SHQ1: variants seen among roughly 807,000 people sequenced by gnomAD.
The protein encoded by SHQ1 is SHQ1, H/ACA ribonucleoprotein assembly factor.
A neutral mutation model predicts 53.8 loss-of-function variants in SHQ1; 49 were observed. The ratio of observed to expected loss-of-function variants is 0.91; its 90% CI spans 0.72 to 1.16. The LOEUF (loss-of-function observed/expected upper bound fraction) is 1.16. SHQ1 is among the 50% of genes most tolerant of loss of function. The pLI is 0.00. For missense variants in SHQ1, 738 were observed against 683.1 expected (o/e 1.08, Z -0.90); for synonymous variants, 243 against 251.0 (o/e 0.97, Z 0.30).
At chr3:72,824,665 A>T in intron 5 of SHQ1, 114 bp from the exon 6 acceptor site, 2 of 1,226,820 alleles carry the variant, frequency 1.6e-6, no homozygotes, top group Non-Finnish European at 1.1e-6. Context: ...TTCAAAGTAC[A>T]TTTCAAGGAA....
downstream of SHQ1, among the ~76,000 whole-genome samples, chr3:72,748,955 A>G (rs1201085102): frequency 7.1e-6 from 1 of 141,786 alleles, no homozygotes; most frequent in East Asian, 2.0e-4. Context: ...ACCCTGTCTC[A>G]AACACACACG....
the SHQ1 span, among the ~76,000 whole-genome samples, chr3:72,741,622 C>A: frequency 1.3e-5 from 2 of 151,622 alleles, no homozygotes; most frequent in Admixed American, 1.3e-4. Flanking sequence ...GGAGATAGGC[C>A]CCTGCTTGAC....
At chr3:72,741,844 AATAAT>A in the SHQ1 span, among the ~76,000 whole-genome samples, 1 of 152,210 alleles carries the variant, frequency 6.6e-6, no homozygotes, top group Non-Finnish European at 1.5e-5. Context: ...ATATTTTAAA[AATAAT>A]ATAGTATACT....
chr3:72,766,437 G>A (rs147767104), intron 10 of SHQ1, among the ~76,000 whole-genome samples: 4 of 152,218 alleles, frequency 2.6e-5, no homozygotes, highest in Admixed American at 6.5e-5. Flanking sequence ...GCCTGAGCCC[G>A]ACCCTGAACC....
intron 10 of SHQ1, among the ~76,000 whole-genome samples, chr3:72,763,488 T>C (rs943167441): frequency 6.6e-5 from 10 of 152,178 alleles, no homozygotes; most frequent in Non-Finnish European, 1.2e-4. Context: ...TACTATGGGT[T>C]GAACTGTGTC....
intron 4 of SHQ1, among the ~76,000 whole-genome samples, chr3:72,836,290 T>A (rs189804182): frequency 1.3e-5 from 2 of 152,080 alleles, no homozygotes; most frequent in South Asian, 4.1e-4. Flanking sequence ...GAGATAGAGA[T>A]CATCCTGGCT....
chr3:72,817,304 G>C lies in SHQ1; in HGVS notation c.808C>G (p.Gln270Glu). 1.2e-6 allele frequency: 2 copies of C among 1,613,912 alleles called. No individual in the cohort carries two copies. Among genetic ancestry groups the C allele is most frequent in the Non-Finnish European group, 1.7e-6 (2 of 1,179,834 alleles). ...ATATCAATCAAACTGTAGCACACTT[G>C]ACGACAGGCTCTCTTGTCCAGCAGA... is the stretch of plus-strand genomic sequence containing the variant. Reference protein sequence around the residue: ...SYLLDKRACRQVCYSLIDILL... With the variant: ...SYLLDKRACREVCYSLIDILL... Residue 270 changes from glutamine to glutamate, a missense_variant, in exon 7 of 11, where the codon CAA becomes GAA. Gln to Glu is a conservative substitution (Grantham distance 29). Transcript: ENST00000325599.
At chr3:72,726,776 T>C in the SHQ1 span, among the ~76,000 whole-genome samples, 5,107 of 152,246 alleles carry the variant, frequency 0.034, 274 homozygotes, top group African/African-American at 0.12. Context: ...TTGAGGGCTT[T>C]CTCTAATCAC....
In SHQ1 at chr3:72,750,402, A is replaced by G. The variant is rs764319736; in HGVS notation, c.1616T>C (p.Ile539Thr). Residue 539 changes from isoleucine to threonine, a missense_variant, in exon 11 of 11, where the codon ATA (isoleucine) becomes ACA (threonine). Transcript: ENST00000325599. The stretch of plus-strand genomic sequence containing the variant: ...CTTCAGTTGTTCCCCAAGCTCCTCT[A>G]TCAGAGGCCCAGACACTCCAAGAGG... The part of the protein sequence containing the change: ...SWPLGVSGPL[I>T]EELGEQLKTT... 2 of 1,614,018 alleles carry G rather than the reference A, an allele frequency of 1.2e-6. No individual in the cohort carries two copies. Among genetic ancestry groups the G allele is most frequent in the Admixed American group, 1.7e-5 (1 of 59,994 alleles).
chr3:72,847,673 G>A (rs1356767035), intron 1 of SHQ1, among the ~76,000 whole-genome samples: 5 of 152,110 alleles, frequency 3.3e-5, no homozygotes, highest in African/African-American at 9.7e-5. Flanking sequence ...AGGGAAGCAG[G>A]AGAACTAGGC....
At chr3:72,817,450 T>G (rs993822011) in intron 6 of SHQ1, 66 bp from the exon 7 acceptor site, 21 of 1,429,078 alleles carry the variant, frequency 1.5e-5, no homozygotes, top group African/African-American at 2.9e-5. Flanking sequence ...AATGGAAGAT[T>G]TGTCAAAATT....
chr3:72,836,783 A>C (rs1211309922), intron 4 of SHQ1, among the ~76,000 whole-genome samples: 2 of 152,200 alleles, frequency 1.3e-5, no homozygotes, highest in Non-Finnish European at 2.9e-5. Flanking sequence ...CTACAGTAGG[A>C]AAAAAAGGTT....
At chr3:72,816,221 A>G (rs1317617155) in intron 7 of SHQ1, among the ~76,000 whole-genome samples, 2 of 152,190 alleles carry the variant, frequency 1.3e-5, no homozygotes, top group Non-Finnish European at 2.9e-5. Flanking sequence ...AAGTGAAAAA[A>G]GCAGGTTAAA....
chr3:72,794,508 A>T (rs933082046), intron 9 of SHQ1: 1 of 152,086 alleles, frequency 6.6e-6, no homozygotes, highest in African/African-American at 2.4e-5. Context: ...AATCCTGATG[A>T]TTTTTCCTTG....
At chr3:72,824,649 T>C in intron 5 of SHQ1, 98 bp from the exon 6 acceptor site, 1 of 1,373,496 alleles carries the variant, frequency 7.3e-7, no homozygotes, top group Non-Finnish European at 9.8e-7. Flanking sequence ...GAAATACAGA[T>C]TTTAATTCAA....
chr3:72,811,680 C>T (rs1465167857), intron 9 of SHQ1, among the ~76,000 whole-genome samples: 2 of 152,192 alleles, frequency 1.3e-5, no homozygotes, highest in Non-Finnish European at 2.9e-5. Context: ...CCCATCCCCA[C>T]CACCAGGGCA....
chr3:72,731,687 C>CA, the SHQ1 span, among the ~76,000 whole-genome samples: 169 of 108,620 alleles, frequency 1.6e-3, 1 homozygote, highest in South Asian at 3.7e-3. Flanking sequence ...GACTCCGTTT[C>CA]AAAAAAAAAA....
downstream of SHQ1, among the ~76,000 whole-genome samples, chr3:72,746,787 AT>A (rs1388030173): frequency 6.6e-6 from 1 of 152,232 alleles, no homozygotes; most frequent in African/African-American, 2.4e-5. Flanking sequence ...ATGGCGTTAA[AT>A]TTTTAGACGA....
rs776307449 is a variant in SHQ1 at position 72,841,046 on chromosome 3, T to C, written c.485A>G (p.Gln162Arg). 4.4e-6 allele frequency: 7 copies of C among 1,608,966 alleles called. No individual in the cohort carries two copies. The East Asian group carries it at 1.1e-4, about 26-fold the overall frequency. Residue 162 changes from glutamine (Q) to arginine (R), a missense_variant and splice_region_variant, in exon 4 of 11, where the codon CAG becomes CGG. Gln to Arg is a conservative substitution (Grantham distance 43, BLOSUM62 1). Coordinates refer to ENST00000325599, the MANE Select transcript of SHQ1 (RefSeq NM_018130.3). ...AGATCTTTCAGAAAGACAACATACC[T>C]GTAACCGTTGCAACACTCCTGATCG... ...NLRSGVLQRL[Q>R]DELSDVIDIK...
Sources: gnomAD v4.1 joint callset for allele counts (sites outside exome capture counted in the v4.1 genomes callset) on GRCh38, gnomAD v4.1.1 for gene constraint, MANE v1.5 for transcripts, NCBI Gene and HGNC (gene_info 2026-07-23, HGNC 2026-07-21) for gene names.